KDM4C: variants seen among roughly 807,000 people sequenced by gnomAD.
KDM4C encodes the protein lysine demethylase 4C, also known as lysine-specific demethylase 4C.
KDM4C carries 81 observed loss-of-function variants against 129.3 expected under a neutral mutation model. That is an observed-to-expected ratio of 0.63 (90% confidence interval 0.52 to 0.75). The LOEUF is 0.75. Among genes scored for constraint, KDM4C ranks in the 30% least tolerant of loss-of-function variants. KDM4C has a pLI of 0.00. For synonymous variants in KDM4C, 573 were observed against 456.1 expected (o/e 1.26, Z -3.26); for missense variants, 1,457 against 1,304.0 (o/e 1.12, Z -1.81).
intron 1 of KDM4C, among the ~76,000 whole-genome samples, chr9:6,733,059 C>G (rs1459878847): frequency 6.6e-6 from 1 of 152,148 alleles, no homozygotes; most frequent in African/African-American, 2.4e-5. Context: ...CAAGGTCAAG[C>G]TCCCAAGGAC....
chr9:6,829,801 C>A (rs903434365), intron 4 of KDM4C, among the ~76,000 whole-genome samples: 4 of 152,202 alleles, frequency 2.6e-5, no homozygotes, highest in Non-Finnish European at 5.9e-5. Context: ...TACAGAAGGG[C>A]TTTGATAAGG....
chr9:6,760,983 G>GTTGTCTTTTTTTTT (rs1265372518), intron 1 of KDM4C, among the ~76,000 whole-genome samples: 1 of 147,504 alleles, frequency 6.8e-6, no homozygotes, highest in Non-Finnish European at 1.5e-5. Flanking sequence ...TTAATGCTGT[G>GTTGTCTTTTTTTTT]TTTTCCTTTC....
chr9:6,776,494 C>T (rs964121420), intron 1 of KDM4C, among the ~76,000 whole-genome samples: 3 of 152,086 alleles, frequency 2.0e-5, no homozygotes, highest in African/African-American at 4.8e-5. Context: ...GATCTCTTGA[C>T]CTCCCAAAGT....
At position 6,955,642 on chromosome 9, in the gene KDM4C, G is replaced by A. The variant is rs145991241; in HGVS notation, c.922-25283G>A. On this transcript the variant is annotated intron_variant, in intron 8 of 21. Transcript: ENST00000381309. ...GGCATGATGGCTTTTAACGTTTGGCGCTTGAAATTTTTTCAGCTTTTCCCT... is the reference window on the plus strand; with the variant it reads ...GGCATGATGGCTTTTAACGTTTGGCACTTGAAATTTTTTCAGCTTTTCCCT... Among the ~76,000 whole-genome samples the A allele has an allele frequency of 3.5e-4, 53 of 152,238 alleles. 1 individual carries two copies. Among genetic ancestry groups the A allele is most frequent in the African/African-American group, 1.1e-3 (46 of 41,558 alleles).
intron 8 of KDM4C, chr9:6,941,698 C>G (rs1314904237): frequency 6.6e-6 from 1 of 152,188 alleles, no homozygotes; most frequent in Non-Finnish European, 1.5e-5. Context: ...GGCAGCCAAG[C>G]CAGAGATGGC....
Position 6,981,014 on chromosome 9 carries a change from A to G in KDM4C, c.1011A>G (p.Gly337=), listed in dbSNP as rs754524986. 74 of 1,613,842 alleles carry G rather than the reference A, an allele frequency of 4.6e-5. No homozygotes were observed. The South Asian group carries it at 7.5e-4, about 16-fold the overall frequency. Reference sequence around the variant, plus strand: ...ACAGATATCAGCTTTGGAAACAAGGAAAGGATATATACACCATTGATCACA... The same window carrying G: ...ACAGATATCAGCTTTGGAAACAAGGGAAGGATATATACACCATTGATCACA... ...QPDRYQLWKQ[G]KDIYTIDHTK... The change falls in exon 9 of 22, where the codon GGA becomes GGG. Residue 337 remains glycine (G), a synonymous_variant. Transcript: ENST00000381309.
chr9:7,100,461 G>A (rs939322000), intron 17 of KDM4C, among the ~76,000 whole-genome samples: 15 of 151,832 alleles, frequency 9.9e-5, no homozygotes, highest in South Asian at 4.2e-4. Flanking sequence ...TGCCTCAGCC[G>A]CCCGAGTAGC....
chr9:6,976,538 T>G (rs1007652601), intron 8 of KDM4C, among the ~76,000 whole-genome samples: 3 of 152,214 alleles, frequency 2.0e-5, no homozygotes, highest in Non-Finnish European at 2.9e-5. Context: ...TTATACACAG[T>G]CCCATGTTTT....
rs933215617 is a variant in KDM4C at position 6,869,381 on chromosome 9, T to C, written c.630-10631T>C. Among the ~76,000 whole-genome samples the C allele has an allele frequency of 1.8e-4, 27 of 152,226 alleles. 1 individual carries two copies. The highest frequency in any genetic ancestry group is 2.9e-5 in the Non-Finnish European group (2 of 68,042). ...TCTCCAGGCCGTACTCTTAGATGCC[T>C]AGCTTACAAGGCAAGAGGACTGGCA... On this transcript the variant is annotated intron_variant, in intron 5 of 21. Transcript: ENST00000381309.
At chr9:6,724,754 C>G (rs1383621023) in intron 1 of KDM4C, among the ~76,000 whole-genome samples, 2 of 152,128 alleles carry the variant, frequency 1.3e-5, no homozygotes, top group Admixed American at 1.3e-4. Flanking sequence ...TGATCTCGAT[C>G]TCTTGACCTC....
At chr9:7,164,361 A>AAAG (rs1324129083) in intron 19 of KDM4C, among the ~76,000 whole-genome samples, 3 of 151,742 alleles carry the variant, frequency 2.0e-5, no homozygotes, top group Non-Finnish European at 4.4e-5. Flanking sequence ...AAAAAAACAA[A>AAAG]AAGCACCTTT....
At chr9:6,858,688 G>A (rs924300879) in intron 5 of KDM4C, among the ~76,000 whole-genome samples, 33 of 151,784 alleles carry the variant, frequency 2.2e-4, no homozygotes, top group East Asian at 1.9e-4. Context: ...CATGAGAATC[G>A]CTTCACCTGG....
At chr9:6,984,949 C>G (rs145474967) in intron 10 of KDM4C, among the ~76,000 whole-genome samples, 1 of 141,378 alleles carries the variant, frequency 7.1e-6, no homozygotes, top group Non-Finnish European at 1.6e-5. Context: ...TTTTCTGAAA[C>G]TGCTTTAGTG....
chr9:6,933,804 T>C (rs1219915738), intron 8 of KDM4C, among the ~76,000 whole-genome samples: 2 of 150,776 alleles, frequency 1.3e-5, no homozygotes, highest in Non-Finnish European at 3.0e-5. Flanking sequence ...TAAATGGTTT[T>C]TTTTGAATTG....
chr9:6,863,263 A>G (rs1285597162), intron 5 of KDM4C, among the ~76,000 whole-genome samples: 1 of 151,724 alleles, frequency 6.6e-6, no homozygotes, highest in African/African-American at 2.4e-5. Context: ...TGTTTTTGAG[A>G]TGTTTTTCTT....
chr9:7,131,192 C>T (rs898008001), intron 19 of KDM4C, among the ~76,000 whole-genome samples: 1 of 152,134 alleles, frequency 6.6e-6, no homozygotes, highest in Non-Finnish European at 1.5e-5. Flanking sequence ...CTCTTGCCTT[C>T]TTGGTTCCCC....
intron 2 of KDM4C, among the ~76,000 whole-genome samples, chr9:6,793,735 G>A (rs1028969680): frequency 6.6e-6 from 1 of 151,810 alleles, no homozygotes; most frequent in African/African-American, 2.4e-5. Context: ...TTGAGACGGG[G>A]TTTCACCATG....
chr9:6,827,928 G>A (rs1052012470), intron 4 of KDM4C, among the ~76,000 whole-genome samples: 4 of 152,190 alleles, frequency 2.6e-5, no homozygotes, highest in Non-Finnish European at 5.9e-5. Context: ...CCAGACAGGG[G>A]AGGTGATGGA....
At chr9:6,780,493 G>A (rs1473635008) in intron 1 of KDM4C, among the ~76,000 whole-genome samples, 1 of 151,760 alleles carries the variant, frequency 6.6e-6, no homozygotes. Flanking sequence ...TTGGCCAGGT[G>A]CTGTGGCTCA....
Sources: gnomAD v4.1 joint callset for allele counts (sites outside exome capture counted in the v4.1 genomes callset) on GRCh38, gnomAD v4.1.1 for gene constraint, MANE v1.5 for transcripts, NCBI Gene and HGNC (gene_info 2026-07-23, HGNC 2026-07-21) for gene names.